Variants in PCCA observed in about 807,000 individuals in gnomAD.
The protein encoded by PCCA is propionyl-CoA carboxylase subunit alpha, also known as propionyl-CoA carboxylase alpha chain, mitochondrial.
PCCA carries 74 observed loss-of-function variants against 101.3 expected under a neutral mutation model. That is an observed-to-expected ratio of 0.73 (90% CI 0.61 to 0.89). The LOEUF is 0.89. Among genes scored for constraint, PCCA ranks in the 40% least tolerant of loss-of-function variants. The pLI is 0.00. For missense variants in PCCA, 891 were observed against 907.0 expected, an observed-to-expected ratio of 0.98 and a Z score of 0.23; for synonymous variants, 294 against 313.6, an observed-to-expected ratio of 0.94 and a Z score of 0.66.
At chr13:100,473,523 C>T (rs1178154600) in intron 21 of PCCA, among the ~76,000 whole-genome samples, 2 of 152,170 alleles carry the variant, frequency 1.3e-5, no homozygotes, top group South Asian at 2.1e-4. Context: ...TCTTAGGTTA[C>T]ACTCTCTATA....
intron 18 of PCCA, among the ~76,000 whole-genome samples, chr13:100,365,791 C>A (rs1476575709): frequency 6.6e-6 from 1 of 152,190 alleles, no homozygotes; most frequent in African/African-American, 2.4e-5. Flanking sequence ...ATTTAATCAA[C>A]ACCTCCCTAT....
intron 20 of PCCA, among the ~76,000 whole-genome samples, chr13:100,438,345 G>A (rs2080096965): frequency 1.3e-5 from 2 of 151,748 alleles, no homozygotes; most frequent in South Asian, 4.2e-4. Context: ...TTGTAGAGAT[G>A]AGGGCACACT....
intron 6 of PCCA, among the ~76,000 whole-genome samples, chr13:100,166,172 T>A (rs1317575686): frequency 6.6e-6 from 1 of 152,188 alleles, no homozygotes; most frequent in Non-Finnish European, 1.5e-5. Context: ...ATCTGTTTTC[T>A]TATCATAGAT....
chr13:100,512,482 AT>A (rs900806072), intron 21 of PCCA, among the ~76,000 whole-genome samples: 1 of 151,942 alleles, frequency 6.6e-6, no homozygotes, highest in African/African-American at 2.4e-5. Flanking sequence ...TTTCAAGAAC[AT>A]TTTTTTTCAT....
At chr13:100,398,952 T>C (rs994754378) in intron 19 of PCCA, among the ~76,000 whole-genome samples, 1 of 152,172 alleles carries the variant, frequency 6.6e-6, no homozygotes, top group Non-Finnish European at 1.5e-5. Context: ...TTGTTCTGGA[T>C]ATTTCAGAAG....
At chr13:100,222,786 G>A (rs2059901252) in intron 7 of PCCA, among the ~76,000 whole-genome samples, 1 of 152,068 alleles carries the variant, frequency 6.6e-6, no homozygotes, top group East Asian at 1.9e-4. Flanking sequence ...TCCCCAAGTA[G>A]TTTCCACCAG....
Position 100,184,601 on chromosome 13 carries a change from C to A in PCCA, c.469-24731C>A, listed in dbSNP as rs140347410. On this transcript the variant is annotated intron_variant, in intron 6 of 23. Transcript: ENST00000376285. ...AGTGTTTTAGGCTTTGTGGGCCATA[C>A]TGTCACAACCATTCAACTCCATTCT... Among the ~76,000 whole-genome samples, 632 of 152,268 alleles carry A rather than the reference C, an allele frequency of 4.2e-3. 4 individuals carry two copies. The highest frequency in any genetic ancestry group is 0.014 in the Middle Eastern group (4 of 294).
intron 12 of PCCA, among the ~76,000 whole-genome samples, chr13:100,297,453 A>T (rs2065645372): frequency 6.6e-6 from 1 of 152,220 alleles, no homozygotes; most frequent in African/African-American, 2.4e-5. Context: ...CCCTAAGCTT[A>T]TTCTGCTACC....
intron 18 of PCCA, among the ~76,000 whole-genome samples, chr13:100,357,195 G>T (rs1234348164): frequency 6.6e-6 from 1 of 152,154 alleles, no homozygotes; most frequent in Non-Finnish European, 1.5e-5. Context: ...TGTATGATAT[G>T]TGAATTTCAT....
chr13:100,152,038 A>G (rs2152376857), intron 4 of PCCA, among the ~76,000 whole-genome samples: 1 of 152,370 alleles, frequency 6.6e-6, no homozygotes, highest in African/African-American at 2.4e-5. Flanking sequence ...AATGACAACA[A>G]AATTGAAATA....
intron 8 of PCCA, among the ~76,000 whole-genome samples, chr13:100,238,622 A>G (rs984593436): frequency 2.6e-5 from 4 of 152,220 alleles, no homozygotes; most frequent in Non-Finnish European, 4.4e-5. Context: ...AACTAGGGTC[A>G]TCAGCTCTTA....
At chr13:100,363,851 A>G (rs1344244857) in intron 18 of PCCA, among the ~76,000 whole-genome samples, 1 of 152,236 alleles carries the variant, frequency 6.6e-6, no homozygotes, top group Admixed American at 6.5e-5. Flanking sequence ...GACTTGTAAT[A>G]GCAAAGTATT....
intron 19 of PCCA, among the ~76,000 whole-genome samples, chr13:100,379,772 C>T (rs910933016): frequency 2.0e-5 from 3 of 152,154 alleles, no homozygotes; most frequent in Admixed American, 2.0e-4. Flanking sequence ...ATCACAGGAA[C>T]CACACGGGGA....
At chr13:100,364,216 G>A (rs1252717432) in intron 18 of PCCA, among the ~76,000 whole-genome samples, 1 of 152,148 alleles carries the variant, frequency 6.6e-6, no homozygotes, top group Non-Finnish European at 1.5e-5. Flanking sequence ...TTCGTTAAAG[G>A]AAACTGTATC....
intron 21 of PCCA, among the ~76,000 whole-genome samples, chr13:100,511,709 CT>C (rs2152995699): frequency 6.6e-6 from 1 of 152,340 alleles, no homozygotes; most frequent in East Asian, 1.9e-4. Flanking sequence ...GCACTGGAGG[CT>C]TTGAAATCAC....
intron 21 of PCCA, among the ~76,000 whole-genome samples, chr13:100,478,499 G>A (rs1160940503): frequency 1.3e-5 from 2 of 152,316 alleles, no homozygotes; most frequent in South Asian, 2.1e-4. Context: ...CGACTGAGAG[G>A]TGGGAAGACC....
intron 6 of PCCA, among the ~76,000 whole-genome samples, chr13:100,190,661 C>T (rs139741748): frequency 0.02 from 2,977 of 151,702 alleles, 105 homozygotes; most frequent in African/African-American, 0.068. Flanking sequence ...GGCGACAGAG[C>T]GAGACCCTGT....
intron 4 of PCCA, chr13:100,150,518 C>T: frequency 7.3e-7 from 1 of 1,363,996 alleles, no homozygotes; most frequent in Non-Finnish European, 1.0e-6. Flanking sequence ...ATTGCGCCTT[C>T]TCCAAGCTCC....
chr13:100,215,434 T>A (rs1388396340), intron 7 of PCCA, among the ~76,000 whole-genome samples: 1 of 152,112 alleles, frequency 6.6e-6, no homozygotes, highest in African/African-American at 2.4e-5. Flanking sequence ...TGTTGAAACA[T>A]AAGAGAAAAA....
Sources: allele counts gnomAD v4.1 joint callset (sites outside exome capture counted in the v4.1 genomes callset), GRCh38; gene constraint gnomAD v4.1.1; transcripts MANE v1.5; gene names NCBI Gene and HGNC (gene_info 2026-07-23, HGNC 2026-07-21).